The following ADARB2 variants were observed in gnomAD, a reference collection of about 807,000 sequenced individuals.
ADARB2 encodes the protein adenosine deaminase RNA specific B2 (inactive), also known as inactive double-stranded RNA-specific editase B2.
Under a neutral mutation model 62.2 loss-of-function variants are expected in ADARB2, and 25 were observed. The observed-to-expected ratio is 0.40, with a 90% confidence interval of 0.29 to 0.56. The LOEUF is 0.56. ADARB2 is among the 20% of genes least tolerant of loss of function. ADARB2 has a pLI of 0.43. For missense variants in ADARB2, 1,071 were observed against 1,077.4 expected, an observed-to-expected ratio of 0.99 and a Z score of 0.08; for synonymous variants, 572 against 500.8, an observed-to-expected ratio of 1.14 and a Z score of -1.90.
intron 3 of ADARB2, among the ~76,000 whole-genome samples, chr10:1,326,355 AG>A (rs571059785): frequency 6.6e-6 from 1 of 152,178 alleles, no homozygotes; most frequent in Non-Finnish European, 1.5e-5. Flanking sequence ...GCACCCATGG[AG>A]GGGCAAAAGT....
In ADARB2 at chr10:1,183,323, C is replaced by T. The variant is rs755496869; in HGVS notation, c.2090G>A (p.Cys697Tyr). ...GGTGTGCGCCCCCAGCTTGGCCTCA[C>T]AGTACATGGAGGGCGTGTCTCCAGG... ...PSPGDTPSMY[C>Y]EAKLGAHTYQ... The change falls in exon 10 of 10, where the codon TGT becomes TAT. Residue 697 changes from cysteine (C) to tyrosine (Y), a missense_variant. Cys to Tyr is a radical substitution (Grantham distance 194, BLOSUM62 -2). Coordinates refer to ENST00000381312, the MANE Select transcript of ADARB2 (RefSeq NM_018702.4). 21 of 1,614,066 alleles carry T rather than the reference C, an allele frequency of 1.3e-5. No homozygotes were observed. Among genetic ancestry groups the T allele is most frequent in the Non-Finnish European group, 1.8e-5 (21 of 1,180,052 alleles).
intron 1 of ADARB2, among the ~76,000 whole-genome samples, chr10:1,623,113 A>G (rs1588327657): frequency 6.6e-6 from 1 of 152,320 alleles, no homozygotes. Context: ...CAAAATCTCC[A>G]AAAGAGGAAA....
intron 1 of ADARB2, among the ~76,000 whole-genome samples, chr10:1,734,207 A>G (rs1410194423): frequency 6.6e-6 from 1 of 151,506 alleles, no homozygotes; most frequent in Non-Finnish European, 1.5e-5. Flanking sequence ...GGGGAGACAT[A>G]TTCTGAGAAC....
At chr10:1,612,857 A>G (rs772795046) in intron 1 of ADARB2, among the ~76,000 whole-genome samples, 9 of 152,244 alleles carry the variant, frequency 5.9e-5, no homozygotes, top group African/African-American at 2.2e-4. Flanking sequence ...GCTACTCACT[A>G]TCTGATCTTG....
rs1378659113 is a variant in ADARB2, at chr10:1,439,590, C to CA, written c.101-60431_101-60430insT. The stretch of plus-strand genomic sequence containing the variant: ...TTCACTATGGGGCTCCTGAGTCTCT[C>CA]CCAGGATGGAGGCAGGCCCTTCATG... On this transcript the variant is annotated intron_variant, in intron 1 of 9. Coordinates refer to ENST00000381312, the MANE Select transcript of ADARB2 (RefSeq NM_018702.4). Among the ~76,000 whole-genome samples the CA allele has an allele frequency of 4.3e-4, 23 of 53,512 alleles. 2 individuals carry two copies. The highest frequency in any genetic ancestry group is 9.7e-4 in the Non-Finnish European group (17 of 17,528). 35.1% of individuals were successfully genotyped at this position (53,512 alleles called of 152,430 possible). A position where few individuals can be genotyped will look rare whatever the true frequency, so the allele number is the denominator to read the frequency against.
chr10:1,320,884 G>A (rs1365342089), intron 3 of ADARB2, among the ~76,000 whole-genome samples: 1 of 152,196 alleles, frequency 6.6e-6, no homozygotes, highest in African/African-American at 2.4e-5. Context: ...GGGGCATTGT[G>A]GATGTGCAGT....
intron 3 of ADARB2, among the ~76,000 whole-genome samples, chr10:1,355,616 A>G (rs1832187296): frequency 6.6e-6 from 1 of 152,234 alleles, no homozygotes; most frequent in Non-Finnish European, 1.5e-5. Context: ...AGCTTGGCTC[A>G]CAGGCCCTGC....
chr10:1,680,140 C>G (rs527787229), intron 1 of ADARB2, among the ~76,000 whole-genome samples: 3 of 152,120 alleles, frequency 2.0e-5, no homozygotes, highest in South Asian at 2.1e-4. Context: ...CATATTCTTT[C>G]CTGTGTAACC....
At chr10:1,535,831 T>C (rs1293309398) in intron 1 of ADARB2, among the ~76,000 whole-genome samples, 1 of 152,188 alleles carries the variant, frequency 6.6e-6, no homozygotes, top group Admixed American at 6.5e-5. Context: ...ACCTCGCCCC[T>C]GTGAGTCCAT....
Position 1,656,378 on chromosome 10 carries a change from C to G in ADARB2, c.100+80673G>C, listed in dbSNP as rs73587129. Among the ~76,000 whole-genome samples, 3 of 152,194 alleles carry G rather than the reference C, an allele frequency of 2.0e-5. No homozygotes were observed. The South Asian group carries it at 6.2e-4, about 32-fold the overall frequency. ...CGTGTAATTCTACTTTTCTCTTCTG[C>G]CATGACTCCTAGCCCAAAGACAAAT... On this transcript the variant is annotated intron_variant, in intron 1 of 9. Transcript: ENST00000381312.
chr10:1,544,029 A>C (rs976168499), intron 1 of ADARB2, among the ~76,000 whole-genome samples: 13 of 147,546 alleles, frequency 8.8e-5, no homozygotes, highest in East Asian at 5.9e-4. Context: ...AAAAAAAAAA[A>C]CACACAAAAT....
chr10:1,408,911 C>T (rs1326142782), intron 1 of ADARB2, among the ~76,000 whole-genome samples: 1 of 152,212 alleles, frequency 6.6e-6, no homozygotes, highest in East Asian at 1.9e-4. Context: ...GTGGCCGCGG[C>T]TCCTCACCCA....
chr10:1,552,335 C>T (rs1283882767), intron 1 of ADARB2, among the ~76,000 whole-genome samples: 3 of 152,180 alleles, frequency 2.0e-5, no homozygotes, highest in African/African-American at 4.8e-5. Flanking sequence ...GGGCCCTGTC[C>T]TTGGGGCATT....
intron 1 of ADARB2, among the ~76,000 whole-genome samples, chr10:1,544,334 G>C (rs764854670): frequency 2.0e-5 from 3 of 152,230 alleles, no homozygotes; most frequent in African/African-American, 7.2e-5. Flanking sequence ...TGAAGCCCCC[G>C]GGGGTGCGGA....
chr10:1,346,642 A>T (rs1450759647), intron 3 of ADARB2, among the ~76,000 whole-genome samples: 1 of 152,220 alleles, frequency 6.6e-6, no homozygotes, highest in Non-Finnish European at 1.5e-5. Context: ...ACTTGGTACT[A>T]GGGAACTAAA....
chr10:1,574,634 TCCTC>T (rs1832986005), intron 1 of ADARB2, among the ~76,000 whole-genome samples: 1 of 152,136 alleles, frequency 6.6e-6, no homozygotes, highest in Non-Finnish European at 1.5e-5. Context: ...CCTCACGGGG[TCCTC>T]CCTCTGTGCA....
chr10:1,184,090 G>T (rs554285581), intron 9 of ADARB2, among the ~76,000 whole-genome samples: 3 of 152,180 alleles, frequency 2.0e-5, no homozygotes, highest in Non-Finnish European at 4.4e-5. Context: ...TGGGCGTCTC[G>T]GCCAAGCTCA....
intron 1 of ADARB2, among the ~76,000 whole-genome samples, chr10:1,511,706 C>G (rs893843247): frequency 1.3e-5 from 2 of 151,566 alleles, no homozygotes; most frequent in African/African-American, 4.9e-5. Context: ...ACTGTCCACA[C>G]TAGATACCAA....
chr10:1,304,023 A>G (rs1039058212), intron 3 of ADARB2, among the ~76,000 whole-genome samples: 149 of 152,188 alleles, frequency 9.8e-4, no homozygotes, highest in African/African-American at 3.5e-3. Flanking sequence ...CACACATAAC[A>G]CTATTAACTT....
Sources: gnomAD v4.1 joint callset for allele counts (sites outside exome capture counted in the v4.1 genomes callset) on GRCh38, gnomAD v4.1.1 for gene constraint, MANE v1.5 for transcripts, NCBI Gene and HGNC (gene_info 2026-07-23, HGNC 2026-07-21) for gene names.